The following ADK variants were observed in gnomAD, a reference collection of about 807,000 sequenced individuals.
ADK encodes adenosine kinase.
ADK carries 24 observed loss-of-function variants against 44.7 expected under a neutral mutation model. The observed-to-expected ratio is 0.54, with a 90% CI of 0.39 to 0.76. The LOEUF (loss-of-function observed/expected upper bound fraction) is 0.76. Among genes scored for constraint, ADK ranks in the 30% least tolerant of loss-of-function variants. ADK has a pLI of 0.00. For synonymous variants in ADK, 128 were observed against 142.6 expected (o/e 0.90, Z 0.73); for missense variants, 321 against 425.1 (o/e 0.76, Z 2.15).
chr10:74,638,338 C>T (rs1229333498), intron 9 of ADK, among the ~76,000 whole-genome samples: 1 of 152,072 alleles, frequency 6.6e-6, no homozygotes, highest in Non-Finnish European at 1.5e-5. Flanking sequence ...CAATATCTTA[C>T]ATGCTCTATA....
At chr10:74,587,473 A>G (rs1851567454) in intron 7 of ADK, among the ~76,000 whole-genome samples, 1 of 152,204 alleles carries the variant, frequency 6.6e-6, no homozygotes, top group South Asian at 2.1e-4. Flanking sequence ...CTAAATCCTC[A>G]AAATGGTTCT....
chr10:74,520,644 A>G (rs1431712238), intron 6 of ADK, among the ~76,000 whole-genome samples: 5 of 152,020 alleles, frequency 3.3e-5, no homozygotes, highest in Non-Finnish European at 5.9e-5. Context: ...ATATTAAACA[A>G]TGTTGTTTCT....
intron 9 of ADK, among the ~76,000 whole-genome samples, chr10:74,631,285 T>G (rs1026289092): frequency 1.3e-5 from 2 of 151,754 alleles, no homozygotes; most frequent in Non-Finnish European, 2.9e-5. Context: ...TTTATTTTTT[T>G]TTTTTTGAGA....
At chr10:74,182,216 A>C (rs573371455) in intron 1 of ADK, among the ~76,000 whole-genome samples, 1 of 151,830 alleles carries the variant, frequency 6.6e-6, no homozygotes, top group East Asian at 1.9e-4. Context: ...TGTGTTTTTA[A>C]AATACGAATT....
chr10:74,454,626 AC>A lies in ADK; in HGVS notation c.555+56048del, dbSNP rs1356685780. 2.0e-5 allele frequency among the ~76,000 whole-genome samples: 3 copies of A among 152,190 alleles called. No individual in the cohort carries two copies. The East Asian group carries it at 5.8e-4, about 29-fold the overall frequency. ...ATCTTTCCCTCCTGATATGTACATG[AC>A]TGGGGCCTCTATAACAAAAACAGAT... On this transcript the variant is annotated intron_variant, in intron 6 of 10. Coordinates refer to ENST00000539909, the MANE Select transcript of ADK (RefSeq NM_006721.4).
intron 3 of ADK, among the ~76,000 whole-genome samples, chr10:74,304,333 G>A (rs948841758): frequency 3.3e-4 from 50 of 151,992 alleles, no homozygotes; most frequent in African/African-American, 1.2e-3. Context: ...TTAGTTGATG[G>A]CATTTATTGA....
chr10:74,574,813 C>G (rs922192106), intron 7 of ADK, among the ~76,000 whole-genome samples: 1 of 152,168 alleles, frequency 6.6e-6, no homozygotes, highest in African/African-American at 2.4e-5. Flanking sequence ...ATCCCTGAAA[C>G]TGTTAATGCA....
chr10:74,325,498 T>C (rs1280360606), intron 4 of ADK, among the ~76,000 whole-genome samples: 1 of 152,216 alleles, frequency 6.6e-6, no homozygotes, highest in African/African-American at 2.4e-5. Flanking sequence ...CTAATTGTTC[T>C]GGCTGGGTCT....
chr10:74,463,293 A>G (rs1846234783), intron 6 of ADK, among the ~76,000 whole-genome samples: 2 of 152,294 alleles, frequency 1.3e-5, no homozygotes, highest in South Asian at 4.1e-4. Context: ...AGTATAATAT[A>G]TAATGAAATA....
intron 7 of ADK, among the ~76,000 whole-genome samples, chr10:74,557,779 A>G (rs1337694385): frequency 6.6e-6 from 1 of 152,180 alleles, no homozygotes; most frequent in African/African-American, 2.4e-5. Context: ...TTGTTAATCA[A>G]TACATAGAGG....
intron 7 of ADK, among the ~76,000 whole-genome samples, chr10:74,565,231 T>C (rs1228056554): frequency 6.6e-6 from 1 of 152,210 alleles, no homozygotes; most frequent in Non-Finnish European, 1.5e-5. Flanking sequence ...ACAAATCTTC[T>C]AATTCAGCCA....
In ADK at chr10:74,271,394, TTTG is replaced by T. The variant is rs551609059; in HGVS notation, c.195-43258_195-43256del. Among the ~76,000 whole-genome samples the T allele has an allele frequency of 2.6e-3, 388 of 152,108 alleles. 3 individuals carry two copies. The highest frequency in any genetic ancestry group is 8.3e-3 in the East Asian group (43 of 5,172). On this transcript the variant is annotated intron_variant, in intron 3 of 10. Coordinates refer to ENST00000539909, the MANE Select transcript of ADK (RefSeq NM_006721.4). ...ATTTATATTCAGGTATATATATATT[TTTG>T]TTGTTGTTGTTGTTTTTTCTTATTA...
intron 4 of ADK, among the ~76,000 whole-genome samples, chr10:74,392,543 A>G (rs1843371087): frequency 6.6e-6 from 1 of 152,126 alleles, no homozygotes; most frequent in Non-Finnish European, 1.5e-5. Context: ...TTTGTTATAT[A>G]TTCTGGATAT....
intron 6 of ADK, among the ~76,000 whole-genome samples, chr10:74,408,020 C>T (rs1012398263): frequency 2.6e-5 from 4 of 151,818 alleles, no homozygotes; most frequent in African/African-American, 4.8e-5. Flanking sequence ...CAGTCTGTTG[C>T]CCAGGCTGGA....
chr10:74,658,127 A>G (rs112221464), intron 9 of ADK, among the ~76,000 whole-genome samples: 4 of 152,232 alleles, frequency 2.6e-5, no homozygotes, highest in African/African-American at 7.2e-5. Context: ...ATAGAGAACC[A>G]TTGAAGAGTT....
chr10:74,496,809 C>T (rs957154990), intron 6 of ADK, among the ~76,000 whole-genome samples: 8 of 152,142 alleles, frequency 5.3e-5, no homozygotes, highest in African/African-American at 1.9e-4. Flanking sequence ...AATTCACTGA[C>T]CCATCATTAA....
At chr10:74,513,894 A>G (rs1460394098) in intron 6 of ADK, among the ~76,000 whole-genome samples, 1 of 152,166 alleles carries the variant, frequency 6.6e-6, no homozygotes, top group Non-Finnish European at 1.5e-5. Flanking sequence ...TTTGTACAGC[A>G]GCTCTATCAG....
At chr10:74,520,850 C>G (rs1848796323) in intron 6 of ADK, among the ~76,000 whole-genome samples, 1 of 152,044 alleles carries the variant, frequency 6.6e-6, no homozygotes, top group Non-Finnish European at 1.5e-5. Context: ...TACAACAGTC[C>G]CACTTCATTC....
At chr10:74,184,891 C>T (rs1412584513) in intron 1 of ADK, among the ~76,000 whole-genome samples, 2 of 152,054 alleles carry the variant, frequency 1.3e-5, no homozygotes, top group African/African-American at 4.8e-5. Context: ...GGATGTTTTT[C>T]ATTGGTCAGA....
Sources: gnomAD v4.1 joint callset for allele counts (sites outside exome capture counted in the v4.1 genomes callset) on GRCh38, gnomAD v4.1.1 for gene constraint, MANE v1.5 for transcripts, NCBI Gene and HGNC (gene_info 2026-07-23, HGNC 2026-07-21) for gene names.